The following BRCA1 variants were observed in gnomAD, a reference collection of about 807,000 sequenced individuals.
The protein encoded by BRCA1 is breast cancer type 1 susceptibility protein.
BRCA1 carries 140 observed loss-of-function variants against 173.7 expected under a neutral mutation model. The ratio of observed to expected loss-of-function variants is 0.81; its 90% CI spans 0.70 to 0.93. The LOEUF (loss-of-function observed/expected upper bound fraction) is 0.93, where lower values mean the gene tolerates loss of function less well. Ranked by LOEUF, BRCA1 falls within the 40% of genes least tolerant of loss-of-function variation. The probability of loss-of-function intolerance (pLI) is 0.00; values close to 1 mark genes in which losing one functional copy is unlikely to be tolerated. For missense variants in BRCA1, 1,983 were observed against 2,172.5 expected, an observed-to-expected ratio of 0.91 and a Z score of 1.73; for synonymous variants, 662 against 756.0, an observed-to-expected ratio of 0.88 and a Z score of 2.04.
rs533387357 is a variant in BRCA1, at chr17:43,131,363, A to G, written c.-19-7248T>C. On this transcript the variant is annotated intron_variant, in intron 1 of 7. Coordinates refer to the BRCA1 transcript ENST00000634433. ...GCTTTAATAATTCGAAGTAGCGCTTAGCTCATTTGTGTCTCAAAATAATAA... is the reference window on the plus strand; with the variant it reads ...GCTTTAATAATTCGAAGTAGCGCTTGGCTCATTTGTGTCTCAAAATAATAA... 311 of 396,940 alleles carry G rather than the reference A, an allele frequency of 7.8e-4. 4 individuals are homozygous for G. Among genetic ancestry groups the G allele is most frequent in the South Asian group, 5.9e-3 (308 of 52,110 alleles). The allele number at this position is 396,940 out of a possible 1,614,324, so 24.6% of individuals were successfully genotyped here.
At chr17:43,108,706 CAAAAAAAAAAAAA>C (rs35561635) in intron 3 of BRCA1, among the ~76,000 whole-genome samples, 1 of 16,088 alleles carries the variant, frequency 6.2e-5, no homozygotes, top group Non-Finnish European at 1.2e-4. Flanking sequence ...GACTCTGTCT[CAAAAAAAAAAAAA>C]AAAAAAAAAA....
At chr17:43,113,154 C>T (rs1441631290) in intron 3 of BRCA1, among the ~76,000 whole-genome samples, 4 of 151,980 alleles carry the variant, frequency 2.6e-5, no homozygotes, top group Non-Finnish European at 5.9e-5. Context: ...ACCTCAGCAT[C>T]TTCCTGTAGA....
intron 18 of BRCA1, 135 bp downstream of exon 18, chr17:43,063,198 C>G (rs1051712489): frequency 2.9e-5 from 23 of 787,574 alleles, no homozygotes; most frequent in Non-Finnish European, 4.1e-5. Flanking sequence ...CTGCATAATT[C>G]TTGATGATCC....
chr17:43,092,402 A>G lies in BRCA1; in HGVS notation c.3129T>C (p.Asn1043=), dbSNP rs1555588339. The part of the protein sequence containing the change: ...ENVFKEASSS[N]INEVGSSTNE... ...TAGTACTGGAACCTACTTCATTAAT[A>G]TTGCTTGAGCTGGCTTCTTTAAAAA... The change falls in exon 10 of 23, where the codon AAT becomes AAC. Residue 1043 remains asparagine, a synonymous_variant. Transcript: ENST00000357654. 9 of 1,613,896 alleles carry G rather than the reference A, an allele frequency of 5.6e-6. No homozygotes were observed. Among genetic ancestry groups the G allele is most frequent in the Non-Finnish European group, 7.6e-6 (9 of 1,179,972 alleles).
chr17:43,056,991 G>T (rs2153344854), intron 19 of BRCA1, 61 bp downstream of exon 19: 1 of 1,463,210 alleles, frequency 6.8e-7, no homozygotes, highest in South Asian at 1.1e-5. Context: ...TCTCTGCAAA[G>T]GGGAGTGGAA....
intron 13 of BRCA1, among the ~76,000 whole-genome samples, chr17:43,075,724 G>C (rs898730947): frequency 6.6e-6 from 1 of 151,936 alleles, no homozygotes; most frequent in African/African-American, 2.4e-5. Context: ...CACCACGCCT[G>C]GCCCTCCAGT....
intron 1 of BRCA1, among the ~76,000 whole-genome samples, chr17:43,140,558 C>T (rs1230961091): frequency 6.6e-6 from 1 of 152,072 alleles, no homozygotes; most frequent in African/African-American, 2.4e-5. Context: ...GTCTAGAAGG[C>T]CTTTCCTTCC....
chr17:43,106,249 A>G (rs1450774751), intron 4 of BRCA1, among the ~76,000 whole-genome samples: 2 of 152,210 alleles, frequency 1.3e-5, no homozygotes, highest in African/African-American at 4.8e-5. Flanking sequence ...GCATTAGAGA[A>G]AGGCAGTAAG....
intron 12 of BRCA1, among the ~76,000 whole-genome samples, chr17:43,078,599 T>C (rs2052851815): frequency 6.6e-6 from 1 of 152,252 alleles, no homozygotes. Context: ...GCCATAAATA[T>C]AGGTAGAAAA....
chr17:43,133,349 G>T (rs1377287261), intron 1 of BRCA1, among the ~76,000 whole-genome samples: 1 of 152,176 alleles, frequency 6.6e-6, no homozygotes, highest in Non-Finnish European at 1.5e-5. Flanking sequence ...GGGGACAGGA[G>T]AAGTGGGATC....
chr17:43,057,704 C>T (rs1380340756), intron 18 of BRCA1, among the ~76,000 whole-genome samples: 9 of 151,406 alleles, frequency 5.9e-5, no homozygotes, highest in African/African-American at 2.2e-4. Flanking sequence ...GGTGTAGTGG[C>T]AGGCGCCTGT....
intron 1 of BRCA1, chr17:43,160,038 C>T (rs2056225215): frequency 6.6e-6 from 1 of 151,690 alleles, no homozygotes; most frequent in Admixed American, 6.6e-5. Context: ...ACCAACCATC[C>T]ATGATTTTTT....
rs563493286 is a variant in BRCA1, at chr17:43,045,116, T to C, written c.*562A>G. 1.3e-5 allele frequency: 7 copies of C among 533,404 alleles called. No homozygotes were observed. Among genetic ancestry groups the C allele is most frequent in the African/African-American group, 1.1e-4 (6 of 53,918 alleles). The allele number at this position is 533,404 out of a possible 1,614,324, so 33.0% of individuals were successfully genotyped here. A position where few individuals can be genotyped will look rare whatever the true frequency, so the allele number is the denominator to read the frequency against. On this transcript the variant is annotated 3_prime_UTR_variant, in exon 23 of 23. Coordinates refer to ENST00000357654, the MANE Select transcript of BRCA1 (RefSeq NM_007294.4). ...ACCATGCCCAGGTTTCAAGTTTCCTTTTCATTTCTAATACCTGCCTCAGAA... is the reference window on the plus strand; with the variant it reads ...ACCATGCCCAGGTTTCAAGTTTCCTCTTCATTTCTAATACCTGCCTCAGAA...
intron 20 of BRCA1, 103 bp from the exon 21 acceptor site, chr17:43,049,297 C>G: frequency 1.0e-6 from 1 of 994,066 alleles, no homozygotes; most frequent in Non-Finnish European, 1.6e-6. Context: ...CAAGACCTCT[C>G]AATGGGAGAG....
intron 7 of BRCA1, among the ~76,000 whole-genome samples, 197 bp from the exon 8 acceptor site, chr17:43,097,486 C>T (rs2054191425): frequency 6.6e-6 from 1 of 152,182 alleles, no homozygotes; most frequent in Non-Finnish European, 1.5e-5. Context: ...GGCACAGTGG[C>T]TCTCACCTGT....
chr17:43,073,115 T>C (rs2052528735), intron 14 of BRCA1, among the ~76,000 whole-genome samples: 1 of 151,964 alleles, frequency 6.6e-6, no homozygotes, highest in Admixed American at 6.6e-5. Flanking sequence ...GAAGATTGCA[T>C]GAGGCCAGGA....
At chr17:43,069,166 C>T (rs555942071) in intron 15 of BRCA1, among the ~76,000 whole-genome samples, 1 of 152,224 alleles carries the variant, frequency 6.6e-6, no homozygotes, top group Non-Finnish European at 1.5e-5. Context: ...ACATCCTCCC[C>T]CTTTTGCTAC....
At chr17:43,126,629 G>A (rs1430512631), upstream of BRCA1, among the ~76,000 whole-genome samples, 1 of 152,218 alleles carries the variant, frequency 6.6e-6, no homozygotes, top group African/African-American at 2.4e-5. Context: ...CCGAGTGGGC[G>A]AAAAGCGCCG....
At chr17:43,106,431 C>G (rs1597900076) in intron 4 of BRCA1, 25 bp downstream of exon 4, 1 of 1,473,224 alleles carries the variant, frequency 6.8e-7, no homozygotes, top group Non-Finnish European at 9.5e-7. Flanking sequence ...TGCTTCCAAC[C>G]TAGCATCATT....
Sources: allele counts gnomAD v4.1 joint callset (sites outside exome capture counted in the v4.1 genomes callset), GRCh38; gene constraint gnomAD v4.1.1; transcripts MANE v1.5; gene names NCBI Gene and HGNC (gene_info 2026-07-23, HGNC 2026-07-21).